Variants in C3 observed in about 807,000 individuals in gnomAD.
C3 encodes complement C3.
In C3, 97 loss-of-function variants were observed where a neutral mutation model predicts 207.9. The ratio of observed to expected loss-of-function variants is 0.47; its 90% confidence interval spans 0.40 to 0.55. The LOEUF (loss-of-function observed/expected upper bound fraction) is 0.55. Ranked by LOEUF, C3 falls within the 20% of genes least tolerant of loss-of-function variation. The pLI, the probability that C3 is intolerant of heterozygous loss-of-function variation, is 0.00. For missense variants in C3, 1,684 were observed against 2,171.7 expected, an observed-to-expected ratio of 0.78 and a Z score of 4.46; for synonymous variants, 848 against 857.6, an observed-to-expected ratio of 0.99 and a Z score of 0.20.
chr19:6,681,663 A>C lies in C3; in HGVS notation c.4350+278T>G, dbSNP rs532182086. 3.5e-4 allele frequency among the ~76,000 whole-genome samples: 52 copies of C among 149,332 alleles called. No individual in the cohort carries two copies. The Middle Eastern group carries it at 0.014, about 39-fold the overall frequency. On this transcript the variant is annotated intron_variant, in intron 35 of 40. Coordinates refer to ENST00000245907, the MANE Select transcript of C3 (RefSeq NM_000064.4). ...CTACAAAGCACTTAAAAAAAAAACC[A>C]AAAAAACCAAAAGGGCTTTTTTTCA...
chr19:6,686,710 A>C (rs755663832), intron 28 of C3, 36 bp downstream of exon 28: 1 of 1,606,344 alleles, frequency 6.2e-7, no homozygotes, highest in Non-Finnish European at 8.5e-7. Flanking sequence ...AACTTCAGCC[A>C]TGCATCTCCC....
At chr19:6,702,661 G>T in intron 17 of C3, 82 bp from the exon 18 acceptor site, 2 of 946,800 alleles carry the variant, frequency 2.1e-6, no homozygotes, top group East Asian at 2.4e-5. Context: ...ACTTAGGGAG[G>T]CCAAGGCAGG....
chr19:6,694,405 G>A (rs769403840), intron 24 of C3, 26 bp downstream of exon 24: 6 of 1,607,120 alleles, frequency 3.7e-6, no homozygotes, highest in Non-Finnish European at 5.1e-6. Context: ...GGTCCCTGGG[G>A]TCTCCAAGAG....
At chr19:6,709,611 T>TTGCCCCCCCCCCCCCCCCCCCC in intron 14 of C3, 73 bp downstream of exon 14, 1 of 1,109,450 alleles carries the variant, frequency 9.0e-7, no homozygotes, top group Non-Finnish European at 1.4e-6. Flanking sequence ...CCCTCTCCAG[T>TTGCCCCCCCCCCCCCCCCCCCC]CCCACCCACC....
chr19:6,693,445 A>G lies in C3; in HGVS notation c.3197T>C (p.Phe1066Ser). The G allele has an allele frequency of 2.5e-6, 4 of 1,612,598 alleles. No homozygotes were observed. Among genetic ancestry groups the G allele is most frequent in the Non-Finnish European group, 3.4e-6 (4 of 1,179,552 alleles). Residue 1066 changes from phenylalanine to serine, a missense_variant, in exon 25 of 41, where the codon TTT becomes TCT. Physicochemically the swap from Phe to Ser is radical, Grantham distance 155 (BLOSUM62 -2). Around this residue, in one of 3 missense-constraint regions of C3, gnomAD observed 1,280 missense variants for 1,739.1 expected, o/e 0.74. Coordinates refer to ENST00000245907, the MANE Select transcript of C3 (RefSeq NM_000064.4). ...QLAFRQPSSA[F>S]AAFVKRAPST... ...GGGTGCCCGTTTCACGAAGGCCGCA[A>G]AGGCAGAGCTGGGTTGTCTGAAGGC...
At chr19:6,713,627 G>C in intron 7 of C3, 118 bp from the exon 8 acceptor site, 1 of 789,296 alleles carries the variant, frequency 1.3e-6, no homozygotes, top group South Asian at 1.5e-5. Flanking sequence ...CCTCTCACCT[G>C]GCCCCACCTC....
intron 19 of C3, 105 bp downstream of exon 19, chr19:6,702,022 A>G: frequency 1.3e-6 from 1 of 749,114 alleles, no homozygotes. Context: ...GGCAGAGAAT[A>G]AAGTGCCAAG....
chr19:6,701,978 C>T (rs1967683984), intron 19 of C3, 149 bp downstream of exon 19: 2 of 679,610 alleles, frequency 2.9e-6, no homozygotes, highest in South Asian at 3.1e-5. Context: ...AGGATTCCCA[C>T]AGTTCCTGGT....
chr19:6,680,629 G>A (rs1429838859), intron 35 of C3, among the ~76,000 whole-genome samples: 1 of 152,184 alleles, frequency 6.6e-6, no homozygotes, highest in Non-Finnish European at 1.5e-5. Flanking sequence ...ACTACATGGA[G>A]CAGAGGGACC....
chr19:6,697,462 G>C lies in C3; in HGVS notation c.2678C>G (p.Ser893Trp), dbSNP rs745503980. ...QQTVTIPPKS[S>W]LSVPYVIVPL... is the part of the protein sequence containing the mutation. The stretch of plus-strand genomic sequence containing the variant: ...CACGATGACATATGGAACGGACAAC[G>C]AGGACTTGGGGGGGATGGTTACGGT... Residue 893 changes from serine (S) to tryptophan (W), a missense_variant, in exon 21 of 41, where the codon TCG (serine) becomes TGG (tryptophan). Transcript: ENST00000245907. 6.2e-7 allele frequency: 1 copy of C among 1,613,838 alleles called. No homozygotes were observed. The highest frequency in any genetic ancestry group is 8.5e-7 in the Non-Finnish European group (1 of 1,179,992).
intron 27 of C3, among the ~76,000 whole-genome samples, chr19:6,687,800 T>A (rs1459958064): frequency 6.6e-6 from 1 of 152,100 alleles, no homozygotes; most frequent in Admixed American, 6.6e-5. Context: ...ATATAATTTA[T>A]TTAACTGTAA....
chr19:6,707,927 G>A lies in C3; in HGVS notation c.1848C>T (p.Ile616=), dbSNP rs745548007. 2 of 1,613,768 alleles carry A rather than the reference G, an allele frequency of 1.2e-6. No individual in the cohort carries two copies. The highest frequency in any genetic ancestry group is 1.3e-5 in the African/African-American group (1 of 75,028). ...NKKNKLTQSK[I]WDVVEKADIG... ...TGTCTGCCTTCTCCACCACGTCCCA[G>A]ATCTGCGGGGGGCATAGGGGTGGCG... is the stretch of plus-strand genomic sequence containing the variant. The change falls in exon 15 of 41, where the codon ATC becomes ATT. Residue 616 remains isoleucine (I), a splice_region_variant and synonymous_variant. Transcript: ENST00000245907.
In C3 at chr19:6,680,249, C is replaced by T. The variant is rs757776096; in HGVS notation, c.4365G>A (p.Glu1455=). 14 of 1,606,806 alleles carry T rather than the reference C, an allele frequency of 8.7e-6. No individual in the cohort carries two copies. In the East Asian group the frequency reaches 2.5e-4, roughly 28 times the overall value. The part of the protein sequence containing the change: ...IIYLDKVSHS[E]DDCLAFKVHQ... Reference sequence around the variant, plus strand: ...GAACTTTGAAAGCTAGACAGTCATCCTCAGAGTGTGAGACCTGAGGGGGAA... The same window carrying T: ...GAACTTTGAAAGCTAGACAGTCATCTTCAGAGTGTGAGACCTGAGGGGGAA... The change falls in exon 36 of 41, where the codon GAG becomes GAA. Residue 1455 remains glutamate (E), a synonymous_variant. Coordinates refer to ENST00000245907, the MANE Select transcript of C3 (RefSeq NM_000064.4).
intron 7 of C3, 58 bp from the exon 8 acceptor site, chr19:6,713,567 C>T: frequency 7.6e-7 from 1 of 1,312,260 alleles, no homozygotes; most frequent in East Asian, 2.3e-5. Flanking sequence ...GGGATCTCCC[C>T]CAGCTTCTCC....
chr19:6,700,152 C>A (rs1967612834), intron 19 of C3, among the ~76,000 whole-genome samples: 2 of 140,732 alleles, frequency 1.4e-5, no homozygotes, highest in African/African-American at 2.6e-5. Flanking sequence ...AATTAAATTT[C>A]TTATAAATTA....
intron 13 of C3, 111 bp downstream of exon 13, chr19:6,710,517 AGAGAGAGAAAG>A: frequency 2.7e-6 from 2 of 742,542 alleles, no homozygotes; most frequent in Admixed American, 2.2e-5. Context: ...GAGGAAGAGA[AGAGAGAGAAAG>A]GAGAGAGAAA....
At chr19:6,678,100 G>A (rs546786971) in intron 40 of C3, 52 bp downstream of exon 40, 8 of 1,613,886 alleles carry the variant, frequency 5.0e-6, no homozygotes, top group East Asian at 4.5e-5. Context: ...TGTGGGCGTG[G>A]CATGGGCGGG....
chr19:6,680,329 G>T, intron 35 of C3, 66 bp from the exon 36 acceptor site: 1 of 854,954 alleles, frequency 1.2e-6, no homozygotes, highest in Non-Finnish European at 2.0e-6. Flanking sequence ...TGTCTTGGGA[G>T]CTGAGGCAGT....
intron 37 of C3, 36 bp from the exon 38 acceptor site, chr19:6,679,244 C>T (rs375949866): frequency 4.4e-6 from 7 of 1,581,184 alleles, no homozygotes; most frequent in Non-Finnish European, 5.2e-6. Flanking sequence ...CTAAGTCCCA[C>T]TCCTTATCTG....
Sources: gnomAD v4.1 joint callset for allele counts (sites outside exome capture counted in the v4.1 genomes callset) on GRCh38, gnomAD v4.1.1 for gene constraint, gnomAD v4.1.1 regional missense constraint, MANE v1.5 for transcripts, NCBI Gene and HGNC (gene_info 2026-07-23, HGNC 2026-07-21) for gene names.